FHIT: variants seen among roughly 807,000 people sequenced by gnomAD.
The protein encoded by FHIT is fragile histidine triad diadenosine triphosphatase, also known as bis(5'-adenosyl)-triphosphatase.
A neutral mutation model predicts 17.9 loss-of-function variants in FHIT; 19 were observed. The ratio of observed to expected loss-of-function variants is 1.06; its 90% CI spans 0.74 to 1.56. The LOEUF is 1.56. Among genes scored for constraint, FHIT ranks in the 40% most tolerant of loss-of-function variants. The pLI is 0.00. For missense variants in FHIT, 248 were observed against 189.2 expected (o/e 1.31, Z -1.82); for synonymous variants, 81 against 69.7 (o/e 1.16, Z -0.81).
intron 3 of FHIT, among the ~76,000 whole-genome samples, chr3:60,906,607 A>G (rs184897287): frequency 1.3e-5 from 2 of 152,268 alleles, no homozygotes; most frequent in East Asian, 3.9e-4. Flanking sequence ...TTACTCCAGG[A>G]CATACTCAAA....
chr3:60,158,285 AAAGT>A lies in FHIT; in HGVS notation c.104-144137_104-144134del, dbSNP rs368865909. On this transcript the variant is annotated intron_variant, in intron 5 of 9. Coordinates refer to ENST00000492590, the MANE Select transcript of FHIT (RefSeq NM_002012.4). ...AGAAAACCCACTCTGAGACCATGATAAAGTAAGACAAAACAAGACTATTTCATAA... is the reference window on the plus strand; with the variant it reads ...AGAAAACCCACTCTGAGACCATGATAAAGACAAAACAAGACTATTTCATAA... Among the ~76,000 whole-genome samples the A allele has an allele frequency of 3.7e-4, 56 of 152,208 alleles. 2 individuals are homozygous for A. The South Asian group carries it at 0.011, about 29-fold the overall frequency.
chr3:60,124,469 C>T (rs1156264833), intron 5 of FHIT, among the ~76,000 whole-genome samples: 1 of 152,118 alleles, frequency 6.6e-6, no homozygotes, highest in Non-Finnish European at 1.5e-5. Flanking sequence ...TAACACAGCC[C>T]ATGCTCATCT....
At chr3:60,409,143 G>A (rs1701977487) in intron 5 of FHIT, among the ~76,000 whole-genome samples, 1 of 152,190 alleles carries the variant, frequency 6.6e-6, no homozygotes, top group Non-Finnish European at 1.5e-5. Context: ...GATAGTGTAT[G>A]TTACAAAAGT....
intron 4 of FHIT, among the ~76,000 whole-genome samples, chr3:60,731,633 A>G (rs1011714093): frequency 3.3e-5 from 5 of 152,070 alleles, no homozygotes; most frequent in African/African-American, 1.2e-4. Context: ...ATAAGGTCAT[A>G]CACCAGTTAA....
intron 4 of FHIT, among the ~76,000 whole-genome samples, chr3:60,661,803 G>A (rs1354623565): frequency 6.6e-6 from 1 of 152,162 alleles, no homozygotes; most frequent in African/African-American, 2.4e-5. Context: ...CTAATAATTA[G>A]TGATGTCAAG....
intron 5 of FHIT, among the ~76,000 whole-genome samples, chr3:60,132,498 C>T (rs781666751): frequency 8.5e-5 from 13 of 152,144 alleles, no homozygotes; most frequent in Non-Finnish European, 1.9e-4. Context: ...AACATTACTA[C>T]AGGCCCTTGA....
chr3:61,014,779 CAAAAAAAAAA>C (rs869289360), intron 3 of FHIT, among the ~76,000 whole-genome samples: 8 of 65,820 alleles, frequency 1.2e-4, no homozygotes, highest in South Asian at 5.8e-4. Flanking sequence ...GACTCTGCCT[CAAAAAAAAAA>C]AAAAAAAAAA....
Position 60,898,126 on chromosome 3 carries a change from T to G in FHIT, c.-110-76115A>C, listed in dbSNP as rs1413164805. ...TACCTATTAAAAAAACCCTCTGTTC[T>G]CTACTATACTTGCTATTTTGTAATC... On this transcript the variant is annotated intron_variant, in intron 3 of 9. Transcript: ENST00000492590. Among the ~76,000 whole-genome samples the G allele has an allele frequency of 1.1e-4, 17 of 152,210 alleles. 1 individual carries two copies. Among genetic ancestry groups the G allele is most frequent in the Admixed American group, 1.1e-3 (17 of 15,270 alleles).
intron 8 of FHIT, among the ~76,000 whole-genome samples, chr3:59,861,151 A>G (rs966713019): frequency 1.3e-5 from 2 of 152,142 alleles, no homozygotes; most frequent in African/African-American, 2.4e-5. Flanking sequence ...ATGAGGAAGC[A>G]TGGGTGGTGG....
At chr3:60,476,827 G>A (rs115079062) in intron 5 of FHIT, among the ~76,000 whole-genome samples, 4 of 149,316 alleles carry the variant, frequency 2.7e-5, no homozygotes, top group East Asian at 2.0e-4. Context: ...ATTTGGTCTC[G>A]TCCTGGACAC....
At chr3:59,862,737 G>A (rs6446085) in intron 8 of FHIT, among the ~76,000 whole-genome samples, 51,177 of 152,016 alleles carry the variant, frequency 0.34, 9,588 homozygotes, top group East Asian at 0.61. Context: ...AGATCGGGAG[G>A]GAAGAAAATG....
chr3:61,156,333 A>T (rs2037533381), intron 2 of FHIT, among the ~76,000 whole-genome samples: 1 of 152,104 alleles, frequency 6.6e-6, no homozygotes. Flanking sequence ...AGTCTACTTA[A>T]ACCTCACTTT....
At chr3:60,097,158 T>C (rs6806074) in intron 5 of FHIT, among the ~76,000 whole-genome samples, 98,268 of 151,806 alleles carry the variant, frequency 0.65, 32,677 homozygotes, top group East Asian at 0.98. Flanking sequence ...CACCCCCAAA[T>C]TTTAGTCCAG....
At chr3:60,848,775 A>AT (rs1164515168) in intron 3 of FHIT, among the ~76,000 whole-genome samples, 6 of 152,220 alleles carry the variant, frequency 3.9e-5, no homozygotes, top group African/African-American at 9.6e-5. Flanking sequence ...ACTGGTAGCT[A>AT]TTTTTTATTG....
chr3:59,797,626 G>A (rs72886677), intron 8 of FHIT, among the ~76,000 whole-genome samples: 7,012 of 152,156 alleles, frequency 0.046, 550 homozygotes, highest in African/African-American at 0.16. Context: ...GTAACCCACC[G>A]TGGCTCTCTC....
At chr3:60,094,329 A>G (rs1703851050) in intron 5 of FHIT, among the ~76,000 whole-genome samples, 1 of 152,206 alleles carries the variant, frequency 6.6e-6, no homozygotes, top group Non-Finnish European at 1.5e-5. Flanking sequence ...TCCACTGAAT[A>G]TATTTTGGGA....
chr3:60,716,351 C>A (rs1471849889), intron 4 of FHIT, among the ~76,000 whole-genome samples: 1 of 151,876 alleles, frequency 6.6e-6, no homozygotes, highest in Non-Finnish European at 1.5e-5. Context: ...TCTTTATATC[C>A]TTTTTCTATA....
chr3:60,370,009 T>C (rs1190713368), intron 5 of FHIT, among the ~76,000 whole-genome samples: 1 of 152,226 alleles, frequency 6.6e-6, no homozygotes, highest in East Asian at 1.9e-4. Flanking sequence ...ATTTGTAACA[T>C]ATCTGTATTA....
rs143303625 is a variant in FHIT, at chr3:60,976,164, T to C, written c.-111+65883A>G. 2.0e-3 allele frequency among the ~76,000 whole-genome samples: 263 copies of C among 130,684 alleles called. 2 individuals are homozygous for C. Among genetic ancestry groups the C allele is most frequent in the African/African-American group, 7.5e-3 (258 of 34,356 alleles). The allele number at this position is 130,684 out of a possible 152,430, so 85.7% of individuals were successfully genotyped here. ...CTCTGTTGCCCAAGCTGGAGTGCAGTGGTGGGATCTTGGCTCACTGCAACC... is the reference window on the plus strand; with the variant it reads ...CTCTGTTGCCCAAGCTGGAGTGCAGCGGTGGGATCTTGGCTCACTGCAACC... On this transcript the variant is annotated intron_variant, in intron 3 of 9. Transcript: ENST00000492590.
Sources: allele counts gnomAD v4.1 joint callset (sites outside exome capture counted in the v4.1 genomes callset), GRCh38; gene constraint gnomAD v4.1.1; transcripts MANE v1.5; gene names NCBI Gene and HGNC (gene_info 2026-07-23, HGNC 2026-07-21).